The following MYOM1 variants were observed in gnomAD, a reference collection of about 807,000 sequenced individuals.
The protein encoded by MYOM1 is myomesin 1, also known as myomesin-1.
MYOM1 carries 164 observed loss-of-function variants against 205.3 expected under a neutral mutation model. The ratio of observed to expected loss-of-function variants is 0.80; its 90% CI spans 0.70 to 0.91. The LOEUF is 0.91. Among genes scored for constraint, MYOM1 ranks in the 40% least tolerant of loss-of-function variants. MYOM1 has a pLI of 0.00. For missense variants in MYOM1, 2,011 were observed against 2,127.3 expected (o/e 0.95, Z 1.08); for synonymous variants, 772 against 789.4 (o/e 0.98, Z 0.37).
At chr18:3,238,141 C>T in the MYOM1 span, among the ~76,000 whole-genome samples, 1 of 152,158 alleles carries the variant, frequency 6.6e-6, no homozygotes, top group South Asian at 2.1e-4. Context: ...TCTCCTACAA[C>T]TGGACGGTCC....
chr18:3,215,171 C>G lies in MYOM1; in HGVS notation c.53G>C (p.Arg18Pro), dbSNP rs1598778811. Residue 18 changes from arginine (R) to proline (P), a missense_variant, in exon 2 of 38, where the codon CGC (arginine) becomes CCC (proline). Transcript: ENST00000356443. ...CACGGTGCTGCGCACGTCCTTGTTG[C>G]GGTAGCTGAGATCATAGTGCTGGTG... ...RCHQHYDLSY[R>P]NKDVRSTVSH... 3 of 1,613,366 alleles carry G rather than the reference C, an allele frequency of 1.9e-6. No homozygotes were observed. Among genetic ancestry groups the G allele is most frequent in the Non-Finnish European group, 2.5e-6 (3 of 1,179,708 alleles).
intron 5 of MYOM1, among the ~76,000 whole-genome samples, chr18:3,180,940 T>G (rs2080720487): frequency 6.6e-6 from 1 of 151,392 alleles, no homozygotes; most frequent in Admixed American, 6.6e-5. Context: ...TTTTTTTTTT[T>G]GAGACGGAGT....
chr18:3,122,682 G>C (rs1598695052), intron 19 of MYOM1, among the ~76,000 whole-genome samples: 1 of 152,026 alleles, frequency 6.6e-6, no homozygotes, highest in Non-Finnish European at 1.5e-5. Flanking sequence ...TATAAACAGA[G>C]TATATATAGT....
chr18:3,106,585 G>T (rs1420384320), intron 22 of MYOM1, among the ~76,000 whole-genome samples: 1 of 152,172 alleles, frequency 6.6e-6, no homozygotes, highest in African/African-American at 2.4e-5. Context: ...AGCACTTTGG[G>T]AGGCCAAAGT....
rs2143602315 is a variant in MYOM1 at position 3,067,457 on chromosome 18, G to A, written c.4863C>T (p.Leu1621=). 2 of 1,613,836 alleles carry A rather than the reference G, an allele frequency of 1.2e-6. No homozygotes were observed. The highest frequency in any genetic ancestry group is 1.7e-6 in the Non-Finnish European group (2 of 1,179,916). The change falls in exon 38 of 38, where the codon CTC becomes CTT. Residue 1621 remains leucine, a synonymous_variant. Coordinates refer to ENST00000356443, the MANE Select transcript of MYOM1 (RefSeq NM_003803.4). ...ACGCGGTCCTCCCAGCCTCGAACTTGAGGTTGCAGTGGTCGTCTGAGGCCA... is the reference window on the plus strand; with the variant it reads ...ACGCGGTCCTCCCAGCCTCGAACTTAAGGTTGCAGTGGTCGTCTGAGGCCA... The part of the protein sequence containing the change: ...KALASDDHCN[L]KFEAGRTAYF...
rs1200561894 is a variant in MYOM1 at position 3,067,200 on chromosome 18, C to T, written c.*62G>A. On this transcript the variant is annotated 3_prime_UTR_variant, in exon 38 of 38. Transcript: ENST00000356443. ...AGGAGAAAGCATGAAGACGTCTCAT[C>T]CTTAACCCAAACCATTCACACCCAA... The T allele has an allele frequency of 2.4e-5, 36 of 1,503,606 alleles. No individual in the cohort carries two copies. The highest frequency in any genetic ancestry group is 6.3e-5 in the South Asian group (5 of 79,208). 93.1% of individuals were successfully genotyped at this position (1,503,606 alleles called of 1,614,324 possible). A position where few individuals can be genotyped will look rare whatever the true frequency, so the allele number is the denominator to read the frequency against.
chr18:3,143,479 C>A (rs2080081245), intron 13 of MYOM1, among the ~76,000 whole-genome samples: 1 of 152,122 alleles, frequency 6.6e-6, no homozygotes, highest in South Asian at 2.1e-4. Context: ...CTTTTTCTTA[C>A]ATTTTGTATC....
At chr18:3,123,903 C>G (rs2079736795) in intron 19 of MYOM1, among the ~76,000 whole-genome samples, 1 of 150,672 alleles carries the variant, frequency 6.6e-6, no homozygotes, top group African/African-American at 2.5e-5. Flanking sequence ...CTCACTGCAA[C>G]CTCCACCTCC....
rs757139147 is a variant in MYOM1, at chr18:3,085,142, A to T, written c.4252-10T>A. ...CATCTTTCTTGGAAAACTAAGGGGGAATAGATATACCACATTGCACCTTTC... is the reference window on the plus strand; with the variant it reads ...CATCTTTCTTGGAAAACTAAGGGGGTATAGATATACCACATTGCACCTTTC... On this transcript the variant is annotated splice_polypyrimidine_tract_variant and intron_variant, in intron 30 of 37. Transcript: ENST00000356443. 39 of 1,588,170 alleles carry T rather than the reference A, an allele frequency of 2.5e-5. No homozygotes were observed. The South Asian group carries it at 4.3e-4, about 18-fold the overall frequency.
Position 3,135,678 on chromosome 18 carries a change from T to A in MYOM1, c.2078A>T (p.Lys693Met). Residue 693 changes from lysine to methionine, a missense_variant, in exon 15 of 38, where the codon AAG becomes ATG. Physicochemically the swap from Lys to Met is moderately conservative, Grantham distance 95. Coordinates refer to ENST00000356443, the MANE Select transcript of MYOM1 (RefSeq NM_003803.4). The surrounding 1 kb of genome is among the most constrained non-coding windows in gnomAD (Gnocchi z 4.1). ...GTCAAACAGAGCAAAGCGGGGAGAC[T>A]TCACAGGGAGCTCCGTGTTCACTCG... Reference protein sequence around the residue: ...WQRVNTELPVKSPRFALFDLA... With the variant: ...WQRVNTELPVMSPRFALFDLA... The A allele has an allele frequency of 6.2e-7, 1 of 1,613,912 alleles. No homozygotes were observed. The highest frequency in any genetic ancestry group is 8.5e-7 in the Non-Finnish European group (1 of 1,179,866).
intron 17 of MYOM1, 138 bp from the exon 18 acceptor site, chr18:3,129,657 A>G (rs1249595952): frequency 2.4e-6 from 2 of 831,800 alleles, no homozygotes. Flanking sequence ...AATCGCTCAC[A>G]TTTGCAAGAA....
At chr18:3,125,583 T>C (rs1356439071) in intron 19 of MYOM1, among the ~76,000 whole-genome samples, 1 of 149,052 alleles carries the variant, frequency 6.7e-6, no homozygotes, top group African/African-American at 2.5e-5. Context: ...AAAAAGCAAC[T>C]TTGTTTTACG....
chr18:3,085,126 T>G lies in MYOM1; in HGVS notation c.4258A>C (p.Lys1420Gln). The change falls in exon 31 of 38, where the codon AAG becomes CAG. Residue 1420 changes from lysine (K) to glutamine (Q), a missense_variant. Lys to Gln is a moderately conservative substitution (Grantham distance 53). Transcript: ENST00000356443. ...ACTTCATAAATCCCAGCATCTTTCT[T>G]GGAAAACTAAGGGGGAATAGATATA... Reference protein sequence around the residue: ...ICTLLITEFSKKDAGIYEVIL... With the variant: ...ICTLLITEFSQKDAGIYEVIL... 6.2e-7 allele frequency: 1 copy of G among 1,605,464 alleles called. No individual in the cohort carries two copies. The highest frequency in any genetic ancestry group is 1.1e-5 in the South Asian group (1 of 89,422).
chr18:3,103,715 T>G (rs1357195611), intron 22 of MYOM1, among the ~76,000 whole-genome samples: 1 of 152,232 alleles, frequency 6.6e-6, no homozygotes, highest in African/African-American at 2.4e-5. Flanking sequence ...GCCAACATCC[T>G]GGCCTACTGT....
At chr18:3,076,230 G>A (rs2079019622) in intron 34 of MYOM1, among the ~76,000 whole-genome samples, 1 of 151,926 alleles carries the variant, frequency 6.6e-6, no homozygotes, top group African/African-American at 2.4e-5. Context: ...ATCACACCCA[G>A]TTAATTTTTG....
chr18:3,079,328 C>G lies in MYOM1; in HGVS notation c.4499G>C (p.Arg1500Thr). 1 of 1,610,560 alleles carries G rather than the reference C, an allele frequency of 6.2e-7. No homozygotes were observed. ...CCCGGTCTTAACTCTGTCTGAGTAC[C>G]TAATGGCGGACCCACTGTGAAAATC... ...VNWSHNGSAI[R>T]YSDRVKTGVT... Residue 1500 changes from arginine to threonine, a missense_variant, in exon 34 of 38, where the codon AGG becomes ACG. Transcript: ENST00000356443.
At chr18:3,188,228 A>G (rs982930080) in intron 4 of MYOM1, among the ~76,000 whole-genome samples, 5 of 152,052 alleles carry the variant, frequency 3.3e-5, no homozygotes, top group African/African-American at 9.7e-5. Flanking sequence ...GTTTAAAACT[A>G]TTGTTTGCTT....
intron 31 of MYOM1, 119 bp from the exon 32 acceptor site, chr18:3,084,146 G>A: frequency 9.4e-7 from 1 of 1,063,818 alleles, no homozygotes; most frequent in Non-Finnish European, 1.4e-6. Context: ...GAAACAAGGT[G>A]AATTTGTCGA....
chr18:3,144,925 A>G (rs1385761832), intron 13 of MYOM1, among the ~76,000 whole-genome samples: 1 of 152,256 alleles, frequency 6.6e-6, no homozygotes, highest in Non-Finnish European at 1.5e-5. Flanking sequence ...GATATTAGCA[A>G]TAGTAAATAA....
Sources: gnomAD v4.1 joint callset for allele counts (sites outside exome capture counted in the v4.1 genomes callset) on GRCh38, gnomAD v4.1.1 for gene constraint, Gnocchi (gnomAD v3.1) non-coding constraint, MANE v1.5 for transcripts, NCBI Gene and HGNC (gene_info 2026-07-23, HGNC 2026-07-21) for gene names.